The following MACROD2 variants were observed in gnomAD, a reference collection of about 807,000 sequenced individuals.
MACROD2 encodes ADP-ribose glycohydrolase MACROD2.
MACROD2 carries 36 observed loss-of-function variants against 70.4 expected under a neutral mutation model. The observed-to-expected ratio is 0.51, with a 90% confidence interval of 0.39 to 0.68. The LOEUF (loss-of-function observed/expected upper bound fraction) is 0.68, where lower values mean the gene tolerates loss of function less well. Ranked by LOEUF, MACROD2 falls within the 30% of genes least tolerant of loss-of-function variation. The probability of loss-of-function intolerance (pLI) is 0.00; values close to 1 mark genes in which losing one functional copy is unlikely to be tolerated. For missense variants in MACROD2, 496 were observed against 538.4 expected, an observed-to-expected ratio of 0.92 and a Z score of 0.78; for synonymous variants, 172 against 178.8, an observed-to-expected ratio of 0.96 and a Z score of 0.30.
chr20:14,455,700 C>A (rs2122999563), intron 3 of MACROD2, among the ~76,000 whole-genome samples: 1 of 151,836 alleles, frequency 6.6e-6, no homozygotes, highest in East Asian at 1.9e-4. Flanking sequence ...TATGAACCAA[C>A]ATCATTATTT....
intron 3 of MACROD2, among the ~76,000 whole-genome samples, chr20:14,405,700 G>A (rs2083684207): frequency 6.6e-6 from 1 of 152,038 alleles, no homozygotes; most frequent in Admixed American, 6.6e-5. Context: ...CTGGTTTTTT[G>A]CTTGCTTACA....
rs530669806 is a variant in MACROD2 at position 14,885,258 on chromosome 20, C to T, written c.418+200299C>T. ...GTCATCACCTTTGACCCTTTCTTCTCTCTTATCTTTCTCTTCTTGACCCAC... is the reference window on the plus strand; with the variant it reads ...GTCATCACCTTTGACCCTTTCTTCTTTCTTATCTTTCTCTTCTTGACCCAC... On this transcript the variant is annotated intron_variant, in intron 5 of 17. Transcript: ENST00000684519. Among the ~76,000 whole-genome samples the T allele has an allele frequency of 5.9e-5, 9 of 152,256 alleles. No homozygotes were observed. The East Asian group carries it at 1.5e-3, about 26-fold the overall frequency.
chr20:14,780,716 G>T (rs1169332393), intron 5 of MACROD2, among the ~76,000 whole-genome samples: 1 of 152,046 alleles, frequency 6.6e-6, no homozygotes, highest in Non-Finnish European at 1.5e-5. Context: ...CTAGTGAATT[G>T]ATAGATAGTA....
At chr20:14,063,149 A>G (rs2148656760) in intron 2 of MACROD2, among the ~76,000 whole-genome samples, 1 of 152,342 alleles carries the variant, frequency 6.6e-6, no homozygotes, top group East Asian at 1.9e-4. Flanking sequence ...CATGGCTTAA[A>G]TGGCTTTCAA....
At chr20:15,132,046 C>T (rs1403574822) in intron 5 of MACROD2, among the ~76,000 whole-genome samples, 1 of 151,732 alleles carries the variant, frequency 6.6e-6, no homozygotes, top group Non-Finnish European at 1.5e-5. Flanking sequence ...CAGTTAAATG[C>T]TAACAAAAAT....
At chr20:14,258,727 C>G (rs1289237456) in intron 3 of MACROD2, among the ~76,000 whole-genome samples, 2 of 151,966 alleles carry the variant, frequency 1.3e-5, no homozygotes, top group African/African-American at 2.4e-5. Flanking sequence ...TAGGTCCCAT[C>G]GATTCATTTT....
chr20:15,753,026 T>G lies in MACROD2; in HGVS notation c.646-109719T>G, dbSNP rs115997675. Among the ~76,000 whole-genome samples the G allele has an allele frequency of 6.5e-3, 992 of 152,326 alleles. 10 individuals are homozygous for G. The highest frequency in any genetic ancestry group is 0.022 in the African/African-American group (931 of 41,568). ...ATATATACTTTGTAAATGAGAAATTTATACTCTTTTGCAAAGCAAATGCAG... is the reference window on the plus strand; with the variant it reads ...ATATATACTTTGTAAATGAGAAATTGATACTCTTTTGCAAAGCAAATGCAG... On this transcript the variant is annotated intron_variant, in intron 8 of 17. Transcript: ENST00000684519.
chr20:15,251,474 A>G (rs1251439575), intron 6 of MACROD2, among the ~76,000 whole-genome samples: 1 of 152,214 alleles, frequency 6.6e-6, no homozygotes, highest in Non-Finnish European at 1.5e-5. Context: ...GAAAATAACA[A>G]CAGCAAAAAG....
chr20:14,019,594 A>G (rs1202344267), intron 2 of MACROD2, among the ~76,000 whole-genome samples: 2 of 151,928 alleles, frequency 1.3e-5, no homozygotes, highest in African/African-American at 4.8e-5. Context: ...TTTTGAAAGT[A>G]GTTTGGTGGG....
chr20:15,893,671 A>G, intron 10 of MACROD2: 1 of 456,580 alleles, frequency 2.2e-6, no homozygotes, highest in Non-Finnish European at 4.4e-6. Context: ...ACTTGATCTT[A>G]GCCCAAAGAC....
At chr20:14,724,780 G>T (rs1179312814) in intron 5 of MACROD2, among the ~76,000 whole-genome samples, 1 of 152,188 alleles carries the variant, frequency 6.6e-6, no homozygotes, top group East Asian at 1.9e-4. Flanking sequence ...CTCAGGAACT[G>T]TAGAGTCCTG....
chr20:14,981,847 C>A (rs2074804069), intron 5 of MACROD2, among the ~76,000 whole-genome samples: 1 of 151,878 alleles, frequency 6.6e-6, no homozygotes, highest in African/African-American at 2.4e-5. Context: ...AAACTGGTAC[C>A]AGTAGAGTAG....
intron 8 of MACROD2, among the ~76,000 whole-genome samples, chr20:15,568,646 T>C (rs1005037902): frequency 6.6e-6 from 1 of 152,144 alleles, no homozygotes; most frequent in African/African-American, 2.4e-5. Flanking sequence ...AGTCATGTAG[T>C]TCCAAATGAA....
At chr20:15,058,699 T>C (rs2075507316) in intron 5 of MACROD2, among the ~76,000 whole-genome samples, 1 of 152,228 alleles carries the variant, frequency 6.6e-6, no homozygotes, top group Admixed American at 6.5e-5. Context: ...TTCACAAATA[T>C]AACATCTTAA....
intron 7 of MACROD2, among the ~76,000 whole-genome samples, chr20:15,464,245 G>A (rs1600449956): frequency 6.6e-6 from 1 of 152,058 alleles, no homozygotes; most frequent in South Asian, 2.1e-4. Context: ...TGAGCTCCTG[G>A]GTTCAAATGA....
At chr20:14,116,368 T>C (rs2148688694) in intron 3 of MACROD2, among the ~76,000 whole-genome samples, 1 of 152,346 alleles carries the variant, frequency 6.6e-6, no homozygotes, top group East Asian at 1.9e-4. Flanking sequence ...CTTTGTATCA[T>C]GTCTGGCCCA....
chr20:16,047,976 C>T (rs957419100), intron 17 of MACROD2, among the ~76,000 whole-genome samples: 5 of 152,104 alleles, frequency 3.3e-5, no homozygotes, highest in Admixed American at 3.3e-4. Flanking sequence ...AAAAGGCTCC[C>T]AAGATAGATA....
At chr20:14,411,343 G>T (rs1049713402) in intron 3 of MACROD2, among the ~76,000 whole-genome samples, 6 of 151,984 alleles carry the variant, frequency 3.9e-5, no homozygotes, top group Non-Finnish European at 7.4e-5. Context: ...TTAGTCACCG[G>T]CATGCTTTCA....
rs1324124772 is a variant in MACROD2, at chr20:15,987,154, A to G, written c.1149A>G (p.Glu383=). 2 of 1,609,296 alleles carry G rather than the reference A, an allele frequency of 1.2e-6. No individual in the cohort carries two copies. Among genetic ancestry groups the G allele is most frequent in the East Asian group, 2.2e-5 (1 of 44,806 alleles). ...LTEDQEEKEG[E]KAPGEDTPRM... is the part of the protein sequence containing the mutation. ...AGGACCAAGAAGAAAAAGAAGGTGA[A>G]AAAGGTAGGACTGCTCTTAAATTAA... The change falls in exon 15 of 18, where the codon GAA becomes GAG. Residue 383 remains glutamate (E), a synonymous_variant. Transcript: ENST00000684519.
Sources: allele counts gnomAD v4.1 joint callset (sites outside exome capture counted in the v4.1 genomes callset), GRCh38; gene constraint gnomAD v4.1.1; transcripts MANE v1.5; gene names NCBI Gene and HGNC (gene_info 2026-07-23, HGNC 2026-07-21).